Variants in PTPRR observed in about 807,000 individuals in gnomAD.
PTPRR encodes protein tyrosine phosphatase receptor type R.
In PTPRR, 38 loss-of-function variants were observed where a neutral mutation model predicts 77.2. The ratio of observed to expected loss-of-function variants is 0.49; its 90% confidence interval spans 0.38 to 0.65. The LOEUF (loss-of-function observed/expected upper bound fraction) is 0.65, where lower values mean the gene tolerates loss of function less well. Among genes scored for constraint, PTPRR ranks in the 30% least tolerant of loss-of-function variants. The pLI is 0.00. For missense variants in PTPRR, 744 were observed against 799.2 expected (o/e 0.93, Z 0.83); for synonymous variants, 299 against 283.1 (o/e 1.06, Z -0.57).
At chr12:70,750,372 A>G (rs1203276975) in intron 5 of PTPRR, among the ~76,000 whole-genome samples, 1 of 152,168 alleles carries the variant, frequency 6.6e-6, no homozygotes, top group Non-Finnish European at 1.5e-5. Context: ...TGCCAGGGGG[A>G]AAATTCTGAG....
intron 1 of PTPRR, among the ~76,000 whole-genome samples, chr12:70,911,325 TG>T (rs993229013): frequency 6.6e-6 from 1 of 152,100 alleles, no homozygotes; most frequent in African/African-American, 2.4e-5. Context: ...AGACAACAGA[TG>T]GGAAGCCTAT....
At position 70,684,412 on chromosome 12, in the gene PTPRR, T is replaced by G. The variant is rs926198937; in HGVS notation, c.1360-148A>C. On this transcript the variant is annotated intron_variant, in intron 9 of 13. Coordinates refer to ENST00000283228, the MANE Select transcript of PTPRR (RefSeq NM_002849.4). Reference sequence around the variant, plus strand: ...ACTGACTCTAGTACAACAATTTCCATGGGTATTTTGGCAGCAAGTTAAGGA... The same window carrying G: ...ACTGACTCTAGTACAACAATTTCCAGGGGTATTTTGGCAGCAAGTTAAGGA... 14 of 867,488 alleles carry G rather than the reference T, an allele frequency of 1.6e-5. 2 individuals carry two copies. In the Admixed American group the frequency reaches 4.0e-4, roughly 25 times the overall value. 53.7% of individuals were successfully genotyped at this position (867,488 alleles called of 1,614,324 possible). A position where few individuals can be genotyped will look rare whatever the true frequency, so the allele number is the denominator to read the frequency against.
At chr12:70,832,311 C>T (rs1235070010) in intron 2 of PTPRR, among the ~76,000 whole-genome samples, 1 of 152,196 alleles carries the variant, frequency 6.6e-6, no homozygotes, top group African/African-American at 2.4e-5. Flanking sequence ...TATGGGGAAG[C>T]AGGCTCTATG....
chr12:70,839,540 T>C (rs1892360631), intron 2 of PTPRR, among the ~76,000 whole-genome samples: 1 of 152,202 alleles, frequency 6.6e-6, no homozygotes, highest in South Asian at 2.1e-4. Context: ...TGTGTCAGCA[T>C]TGGTTTAGTT....
intron 2 of PTPRR, among the ~76,000 whole-genome samples, chr12:70,820,106 G>A (rs1489365516): frequency 1.3e-5 from 2 of 152,144 alleles, no homozygotes; most frequent in South Asian, 2.1e-4. Flanking sequence ...GCGCAGAAAT[G>A]TATGGAGGGG....
At chr12:70,680,975 T>G (rs754357392) in intron 10 of PTPRR, among the ~76,000 whole-genome samples, 229 of 152,304 alleles carry the variant, frequency 1.5e-3, no homozygotes, top group Non-Finnish European at 2.5e-3. Flanking sequence ...GGACTTGGTT[T>G]CTCTGCTGAT....
intron 13 of PTPRR, among the ~76,000 whole-genome samples, chr12:70,655,219 A>G (rs540868953): frequency 1.3e-5 from 2 of 152,232 alleles, no homozygotes; most frequent in African/African-American, 4.8e-5. Context: ...GATGGCTACT[A>G]TCAAAAAAAG....
intron 6 of PTPRR, among the ~76,000 whole-genome samples, chr12:70,742,522 G>A (rs1400985786): frequency 1.3e-5 from 2 of 152,154 alleles, no homozygotes; most frequent in African/African-American, 2.4e-5. Flanking sequence ...GCAGGAAATA[G>A]GGGTCAACAT....
chr12:70,913,819 A>G (rs1465354616), intron 1 of PTPRR, among the ~76,000 whole-genome samples: 1 of 152,170 alleles, frequency 6.6e-6, no homozygotes, highest in Non-Finnish European at 1.5e-5. Context: ...GTCAATGTAA[A>G]TTAATTTATC....
At chr12:70,771,159 A>G (rs183946111) in intron 2 of PTPRR, among the ~76,000 whole-genome samples, 648 of 135,488 alleles carry the variant, frequency 4.8e-3, no homozygotes, top group Non-Finnish European at 7.3e-3. Flanking sequence ...TATAATAATA[A>G]TAAATTAAAA....
rs117117217 is a variant in PTPRR at position 70,856,271 on chromosome 12, G to T, written c.357+36408C>A. Among the ~76,000 whole-genome samples, 4 of 152,218 alleles carry T rather than the reference G, an allele frequency of 2.6e-5. No homozygotes were observed. The East Asian group carries it at 7.7e-4, about 29-fold the overall frequency. On this transcript the variant is annotated intron_variant, in intron 2 of 13. Transcript: ENST00000283228. ...TGGGGAGAAAGACATTCCAACTACAGGACAATGGTACTGGCTACAGTGAAG... is the reference window on the plus strand; with the variant it reads ...TGGGGAGAAAGACATTCCAACTACATGACAATGGTACTGGCTACAGTGAAG...
At chr12:70,856,665 T>C (rs1892656633) in intron 2 of PTPRR, among the ~76,000 whole-genome samples, 1 of 152,172 alleles carries the variant, frequency 6.6e-6, no homozygotes, top group Non-Finnish European at 1.5e-5. Context: ...TGGAGGACAC[T>C]GTGCTAAACA....
chr12:70,850,855 C>A (rs1020561861), intron 2 of PTPRR, among the ~76,000 whole-genome samples: 1 of 152,182 alleles, frequency 6.6e-6, no homozygotes, highest in African/African-American at 2.4e-5. Context: ...CATTGCTTTG[C>A]ACACAATACA....
chr12:70,859,460 C>T (rs183267157), intron 2 of PTPRR, among the ~76,000 whole-genome samples: 12 of 151,902 alleles, frequency 7.9e-5, no homozygotes, highest in South Asian at 4.2e-4. Flanking sequence ...GATAAAAGCA[C>T]GTTTATGTAC....
rs555435815 is a variant in PTPRR at position 70,717,109 on chromosome 12, G to A, written c.1008-15786C>T. On this transcript the variant is annotated intron_variant, in intron 6 of 13. Coordinates refer to ENST00000283228, the MANE Select transcript of PTPRR (RefSeq NM_002849.4). ...TCTCTAACATACTATTCTTCCTCAG[G>A]TATTGTTTTATGAGTTAATTCATTA... is the stretch of plus-strand genomic sequence containing the variant. Among the ~76,000 whole-genome samples the A allele has an allele frequency of 3.9e-5, 6 of 152,162 alleles. 1 individual carries two copies. Among genetic ancestry groups the A allele is most frequent in the Admixed American group, 2.6e-4 (4 of 15,272 alleles).
At chr12:70,705,052 G>T (rs780792788) in intron 6 of PTPRR, among the ~76,000 whole-genome samples, 2 of 151,832 alleles carry the variant, frequency 1.3e-5, no homozygotes, top group Admixed American at 6.6e-5. Flanking sequence ...AACAATTGAA[G>T]GAAAAAGCAA....
intron 8 of PTPRR, among the ~76,000 whole-genome samples, chr12:70,685,905 G>A (rs1887850463): frequency 6.6e-6 from 1 of 152,036 alleles, no homozygotes. Flanking sequence ...TTGCCCAAAG[G>A]TACACAGCCA....
At chr12:70,793,759 C>T (rs1891463135) in intron 2 of PTPRR, among the ~76,000 whole-genome samples, 1 of 152,136 alleles carries the variant, frequency 6.6e-6, no homozygotes, top group African/African-American at 2.4e-5. Flanking sequence ...CTCCTTCTCA[C>T]TTATTTTGGT....
At chr12:70,850,118 T>C (rs933949221) in intron 2 of PTPRR, among the ~76,000 whole-genome samples, 11 of 152,120 alleles carry the variant, frequency 7.2e-5, no homozygotes, top group African/African-American at 2.7e-4. Context: ...TCCCAGCACT[T>C]TGGGAGGCCG....
Sources: allele counts gnomAD v4.1 joint callset (sites outside exome capture counted in the v4.1 genomes callset), GRCh38; gene constraint gnomAD v4.1.1; transcripts MANE v1.5; gene names NCBI Gene and HGNC (gene_info 2026-07-23, HGNC 2026-07-21).